Variants in GPC5 observed in about 807,000 individuals in gnomAD.
GPC5 encodes glypican-5.
A neutral mutation model predicts 53.9 loss-of-function variants in GPC5; 47 were observed. The observed-to-expected ratio is 0.87, with a 90% CI of 0.69 to 1.11. The LOEUF (loss-of-function observed/expected upper bound fraction) is 1.11. Among genes scored for constraint, GPC5 ranks in the 50% most tolerant of loss-of-function variants. GPC5 has a pLI of 0.00. For missense variants in GPC5, 748 were observed against 713.1 expected (o/e 1.05, Z -0.56); for synonymous variants, 286 against 263.3 (o/e 1.09, Z -0.84).
At chr13:91,590,920 A>G (rs146383368) in intron 2 of GPC5, among the ~76,000 whole-genome samples, 1 of 152,336 alleles carries the variant, frequency 6.6e-6, no homozygotes, top group African/African-American at 2.4e-5. Context: ...TGAACTCTGT[A>G]GCCAGACTGC....
At chr13:91,921,683 T>C (rs577140017) in intron 6 of GPC5, among the ~76,000 whole-genome samples, 1 of 152,002 alleles carries the variant, frequency 6.6e-6, no homozygotes, top group African/African-American at 2.4e-5. Flanking sequence ...GGGTGGCTCA[T>C]GTCTATAATC....
At chr13:92,332,642 T>A (rs2043296313) in intron 7 of GPC5, among the ~76,000 whole-genome samples, 1 of 152,160 alleles carries the variant, frequency 6.6e-6, no homozygotes, top group Admixed American at 6.5e-5. Context: ...ATAACATAAA[T>A]AAATGAACAT....
At chr13:92,175,389 G>A (rs1340521398) in intron 7 of GPC5, among the ~76,000 whole-genome samples, 1 of 152,106 alleles carries the variant, frequency 6.6e-6, no homozygotes, top group African/African-American at 2.4e-5. Flanking sequence ...ATAAGTGTTT[G>A]CTTCTTTTCT....
chr13:92,548,586 A>G (rs908773826), intron 7 of GPC5, among the ~76,000 whole-genome samples: 3 of 152,092 alleles, frequency 2.0e-5, no homozygotes, highest in Non-Finnish European at 4.4e-5. Flanking sequence ...ATTTAGAAAT[A>G]GTATGAGTAA....
chr13:92,566,359 C>T (rs1007265408), intron 7 of GPC5, among the ~76,000 whole-genome samples: 1 of 152,040 alleles, frequency 6.6e-6, no homozygotes, highest in African/African-American at 2.4e-5. Context: ...AATATTGTTT[C>T]CAATATTTCA....
intron 7 of GPC5, among the ~76,000 whole-genome samples, chr13:92,567,606 C>T (rs1229795653): frequency 6.6e-6 from 1 of 152,078 alleles, no homozygotes; most frequent in African/African-American, 2.4e-5. Flanking sequence ...AAGTCAGTAT[C>T]ATACTGATGA....
chr13:92,779,313 G>A (rs1017313976), intron 7 of GPC5, among the ~76,000 whole-genome samples: 4 of 152,084 alleles, frequency 2.6e-5, no homozygotes, highest in African/African-American at 7.2e-5. Context: ...CAACACATGG[G>A]AATTGTTGGA....
intron 7 of GPC5, among the ~76,000 whole-genome samples, chr13:92,444,248 T>C (rs536749352): frequency 6.6e-6 from 1 of 152,272 alleles, no homozygotes; most frequent in South Asian, 2.1e-4. Context: ...TCAATAGATG[T>C]ATATGTTTTT....
At chr13:92,049,086 A>G (rs2041006774) in intron 6 of GPC5, among the ~76,000 whole-genome samples, 1 of 152,194 alleles carries the variant, frequency 6.6e-6, no homozygotes, top group Admixed American at 6.5e-5. Context: ...TCTAAAATAA[A>G]TGAGTCACAG....
intron 7 of GPC5, among the ~76,000 whole-genome samples, chr13:92,422,123 C>A (rs901381049): frequency 7.3e-6 from 1 of 136,234 alleles, no homozygotes; most frequent in Non-Finnish European, 1.5e-5. Context: ...CCAAACAAAT[C>A]TTGCCACCAT....
At chr13:92,509,171 G>GC (rs1385704385) in intron 7 of GPC5, among the ~76,000 whole-genome samples, 7 of 152,114 alleles carry the variant, frequency 4.6e-5, no homozygotes, top group Admixed American at 3.3e-4. Flanking sequence ...ATTTACCCCT[G>GC]CCTCAAACAT....
At chr13:91,956,433 A>G (rs1182167909) in intron 6 of GPC5, among the ~76,000 whole-genome samples, 2 of 152,092 alleles carry the variant, frequency 1.3e-5, no homozygotes, top group African/African-American at 2.4e-5. Context: ...GCCATTGCTA[A>G]TGCCATGTCA....
At chr13:92,385,752 CGT>C (rs1235245832) in intron 7 of GPC5, among the ~76,000 whole-genome samples, 2 of 114,204 alleles carry the variant, frequency 1.8e-5, no homozygotes, top group African/African-American at 6.7e-5. Flanking sequence ...TATATATACA[CGT>C]GTATATATAT....
intron 6 of GPC5, among the ~76,000 whole-genome samples, chr13:91,966,692 A>G (rs951873299): frequency 6.6e-6 from 1 of 152,204 alleles, no homozygotes; most frequent in African/African-American, 2.4e-5. Context: ...TTAAGTAGAT[A>G]TTTGAAGTTG....
At chr13:92,496,696 A>G (rs1879993341) in intron 7 of GPC5, among the ~76,000 whole-genome samples, 1 of 152,216 alleles carries the variant, frequency 6.6e-6, no homozygotes, top group Non-Finnish European at 1.5e-5. Context: ...CTTTAAGAAA[A>G]GACCCAGGAC....
chr13:91,489,401 A>T (rs1162783350), intron 2 of GPC5, among the ~76,000 whole-genome samples: 1 of 152,198 alleles, frequency 6.6e-6, no homozygotes, highest in East Asian at 1.9e-4. Context: ...CACTTAGGAA[A>T]AATAGAAAAG....
intron 6 of GPC5, among the ~76,000 whole-genome samples, chr13:91,916,979 A>T (rs1176151008): frequency 6.6e-6 from 1 of 152,184 alleles, no homozygotes; most frequent in Non-Finnish European, 1.5e-5. Flanking sequence ...GCTTCTTCCA[A>T]ATCTCAAGTC....
At chr13:91,985,346 G>GT (rs1230121066) in intron 6 of GPC5, among the ~76,000 whole-genome samples, 4 of 143,154 alleles carry the variant, frequency 2.8e-5, no homozygotes, top group African/African-American at 7.6e-5. Flanking sequence ...TATATCTGAT[G>GT]TTTGTCTGTG....
chr13:91,857,332 C>T (rs2038977682), intron 5 of GPC5, among the ~76,000 whole-genome samples: 1 of 151,374 alleles, frequency 6.6e-6, no homozygotes, highest in Non-Finnish European at 1.5e-5. Flanking sequence ...AAACTGGCGT[C>T]TTAACATGAT....
Sources: gnomAD v4.1 joint callset for allele counts (sites outside exome capture counted in the v4.1 genomes callset) on GRCh38, gnomAD v4.1.1 for gene constraint, MANE v1.5 for transcripts, NCBI Gene and HGNC (gene_info 2026-07-23, HGNC 2026-07-21) for gene names.